CTNNA2: variants seen among roughly 807,000 people sequenced by gnomAD.
CTNNA2 encodes catenin alpha 2.
In CTNNA2, 42 loss-of-function variants were observed where a neutral mutation model predicts 101.0. That is an observed-to-expected ratio of 0.42 (90% confidence interval 0.32 to 0.54). CTNNA2 has a LOEUF of 0.54. Ranked by LOEUF, CTNNA2 falls within the 20% of genes least tolerant of loss-of-function variation. The probability of loss-of-function intolerance (pLI) is 0.14; values close to 1 mark genes in which losing one functional copy is unlikely to be tolerated. For synonymous variants in CTNNA2, 450 were observed against 456.4 expected (o/e 0.99, Z 0.18); for missense variants, 871 against 1,223.1 (o/e 0.71, Z 4.29).
At chr2:79,815,659 A>G (rs564703411) in intron 3 of CTNNA2, among the ~76,000 whole-genome samples, 2 of 152,202 alleles carry the variant, frequency 1.3e-5, no homozygotes, top group Non-Finnish European at 1.5e-5. Flanking sequence ...TTTGGTGACA[A>G]TGGCCTTATA....
chr2:80,212,620 CA>C (rs1707973038), intron 7 of CTNNA2, among the ~76,000 whole-genome samples: 1 of 152,114 alleles, frequency 6.6e-6, no homozygotes, highest in South Asian at 2.1e-4. Flanking sequence ...TTCGGTTTGC[CA>C]GTATTTTATT....
At chr2:80,216,850 T>G (rs1438004037) in intron 7 of CTNNA2, among the ~76,000 whole-genome samples, 1 of 152,030 alleles carries the variant, frequency 6.6e-6, no homozygotes, top group Non-Finnish European at 1.5e-5. Context: ...TTTTTTTTTT[T>G]TTTTTGAGAT....
At chr2:79,659,270 T>C (rs149136192) in intron 2 of CTNNA2, among the ~76,000 whole-genome samples, 1 of 151,124 alleles carries the variant, frequency 6.6e-6, no homozygotes, top group African/African-American at 2.4e-5. Context: ...TTACAAAATA[T>C]AGCATTTTAT....
intron 7 of CTNNA2, among the ~76,000 whole-genome samples, chr2:80,294,582 G>A (rs544748174): frequency 1.5e-4 from 23 of 152,168 alleles, no homozygotes; most frequent in Non-Finnish European, 2.5e-4. Flanking sequence ...TAGGCAACCC[G>A]CTAGCTCAGT....
intron 7 of CTNNA2, among the ~76,000 whole-genome samples, chr2:79,918,919 A>G (rs1254453837): frequency 6.6e-6 from 1 of 152,218 alleles, no homozygotes; most frequent in Non-Finnish European, 1.5e-5. Flanking sequence ...ATTATTAGGT[A>G]CAGATTATAA....
chr2:79,733,852 G>A (rs1028997491), intron 2 of CTNNA2, among the ~76,000 whole-genome samples: 4 of 152,008 alleles, frequency 2.6e-5, no homozygotes, highest in African/African-American at 9.7e-5. Flanking sequence ...GTCAAACCTC[G>A]TGTTCATGTC....
intron 7 of CTNNA2, among the ~76,000 whole-genome samples, chr2:80,001,627 AGT>A (rs1692954898): frequency 6.6e-6 from 1 of 152,164 alleles, no homozygotes; most frequent in Admixed American, 6.5e-5. Flanking sequence ...TTAACCAAGG[AGT>A]GTTTGCAATC....
rs557574773 is a variant in CTNNA2, at chr2:79,530,867, C to G, written c.-6+17660C>G. ...TGTTTTAAGTGGAGCAGTTTGAGCA[C>G]AGAACACTCAGGATAGTGAGTTCAT... On this transcript the variant is annotated intron_variant, in intron 1 of 18. Coordinates refer to ENST00000402739, the MANE Select transcript of CTNNA2 (RefSeq NM_001282597.3). Among the ~76,000 whole-genome samples, 308 of 151,872 alleles carry G rather than the reference C, an allele frequency of 2.0e-3. 1 individual carries two copies. Among genetic ancestry groups the G allele is most frequent in the African/African-American group, 6.5e-3 (269 of 41,406 alleles).
At chr2:79,763,639 A>G (rs750830651) in intron 3 of CTNNA2, among the ~76,000 whole-genome samples, 1 of 152,236 alleles carries the variant, frequency 6.6e-6, no homozygotes, top group Non-Finnish European at 1.5e-5. Context: ...TATGGTAGTC[A>G]TCATCAAACA....
intron 2 of CTNNA2, among the ~76,000 whole-genome samples, chr2:79,221,614 T>C (rs1240320810): frequency 1.3e-5 from 2 of 152,042 alleles, no homozygotes; most frequent in Non-Finnish European, 2.9e-5. Flanking sequence ...ATTTTTTTTT[T>C]TTAAAAAACT....
intron 9 of CTNNA2, among the ~76,000 whole-genome samples, chr2:80,490,401 G>A (rs1375901524): frequency 6.6e-6 from 1 of 151,282 alleles, no homozygotes; most frequent in Non-Finnish European, 1.5e-5. Flanking sequence ...AACAGACAAA[G>A]TGCGAATGAA....
At chr2:80,643,395 G>A (rs1043782661) in intron 18 of CTNNA2, among the ~76,000 whole-genome samples, 3 of 152,172 alleles carry the variant, frequency 2.0e-5, no homozygotes, top group Admixed American at 1.3e-4. Flanking sequence ...TTGTGAGATA[G>A]AATGAAATAA....
intron 8 of CTNNA2, among the ~76,000 whole-genome samples, chr2:80,407,236 C>T (rs1179587139): frequency 6.6e-6 from 1 of 152,182 alleles, no homozygotes; most frequent in African/African-American, 2.4e-5. Context: ...CACCTGGGGG[C>T]TCTTAGAGGC....
rs573036669 is a variant in CTNNA2, at chr2:79,951,360, C to A, written c.1056+41563C>A. 2.2e-4 allele frequency among the ~76,000 whole-genome samples: 33 copies of A among 152,200 alleles called. 1 individual carries two copies. Among genetic ancestry groups the A allele is most frequent in the East Asian group, 7.7e-4 (4 of 5,182 alleles). ...ATCTTTTCCCAATAATTAAATTTAC[C>A]CCTGCATTTAAAATATGTACACATT... On this transcript the variant is annotated intron_variant, in intron 7 of 18. Transcript: ENST00000402739.
chr2:79,430,322 C>T (rs17017091), intron 4 of CTNNA2, among the ~76,000 whole-genome samples: 3,595 of 152,246 alleles, frequency 0.024, 132 homozygotes, highest in African/African-American at 0.076. Context: ...GGCTTCTTAT[C>T]ATTGTCTAAT....
chr2:80,026,544 T>A (rs1479570898), intron 7 of CTNNA2, among the ~76,000 whole-genome samples: 1 of 152,232 alleles, frequency 6.6e-6, no homozygotes, highest in Non-Finnish European at 1.5e-5. Flanking sequence ...AGTTAAGAGA[T>A]ACTTTCTACT....
intron 3 of CTNNA2, among the ~76,000 whole-genome samples, chr2:79,779,256 G>A (rs1304404084): frequency 2.6e-5 from 4 of 152,092 alleles, no homozygotes; most frequent in Non-Finnish European, 5.9e-5. Flanking sequence ...GACAGCCAAC[G>A]ATAGATTGAA....
rs75642214 is a variant in CTNNA2 at position 80,014,524 on chromosome 2, A to T, written c.1056+104727A>T. On this transcript the variant is annotated intron_variant, in intron 7 of 18. Transcript: ENST00000402739. Reference sequence around the variant, plus strand: ...TATCATATCATTTGATCCTCACCAAAGTTTTTGAACCATAGTGAATACACC... The same window carrying T: ...TATCATATCATTTGATCCTCACCAATGTTTTTGAACCATAGTGAATACACC... 7.2e-3 allele frequency among the ~76,000 whole-genome samples: 1,092 copies of T among 152,208 alleles called. 18 individuals carry two copies. Among genetic ancestry groups the T allele is most frequent in the African/African-American group, 0.025 (1,027 of 41,514 alleles).
intron 3 of CTNNA2, among the ~76,000 whole-genome samples, chr2:79,331,973 G>A (rs1395191674): frequency 1.3e-5 from 2 of 152,132 alleles, no homozygotes; most frequent in African/African-American, 4.8e-5. Flanking sequence ...TCTGACCATA[G>A]GTTCTGTTTT....
Sources: gnomAD v4.1 joint callset for allele counts (sites outside exome capture counted in the v4.1 genomes callset) on GRCh38, gnomAD v4.1.1 for gene constraint, MANE v1.5 for transcripts, NCBI Gene and HGNC (gene_info 2026-07-23, HGNC 2026-07-21) for gene names.